RABGAP1: variants seen among roughly 807,000 people sequenced by gnomAD.
RABGAP1 encodes RAB GTPase activating protein 1.
Under a neutral mutation model 137.6 loss-of-function variants are expected in RABGAP1, and 23 were observed. The ratio of observed to expected loss-of-function variants is 0.17; its 90% CI spans 0.12 to 0.24. RABGAP1 has a LOEUF of 0.24. Among genes scored for constraint, RABGAP1 ranks in the 10% least tolerant of loss-of-function variants. The pLI is 1.00. For synonymous variants in RABGAP1, 451 were observed against 450.7 expected (o/e 1.00, Z -0.01); for missense variants, 906 against 1,275.8 (o/e 0.71, Z 4.42).
intron 24 of RABGAP1, among the ~76,000 whole-genome samples, 169 bp from the exon 25 acceptor site, chr9:123,101,397 G>A (rs1313413553): frequency 1.3e-5 from 2 of 152,130 alleles, no homozygotes; most frequent in African/African-American, 4.8e-5. Context: ...ATAATACCAA[G>A]TGGCTTTTCC....
intron 2 of RABGAP1, among the ~76,000 whole-genome samples, chr9:122,961,554 A>G (rs1834852803): frequency 6.6e-6 from 1 of 152,220 alleles, no homozygotes; most frequent in African/African-American, 2.4e-5. Flanking sequence ...AAAGCAAGTT[A>G]CTCCACATGA....
intron 1 of RABGAP1, among the ~76,000 whole-genome samples, chr9:122,944,522 G>T (rs1363522780): frequency 6.6e-6 from 1 of 151,012 alleles, no homozygotes; most frequent in East Asian, 2.0e-4. Context: ...ATCTTTGTTT[G>T]TTTCTTTTTT....
chr9:122,936,752 T>G (rs1302196369), upstream of RABGAP1, among the ~76,000 whole-genome samples: 1 of 152,246 alleles, frequency 6.6e-6, no homozygotes, highest in East Asian at 1.9e-4. Context: ...GCACCTGTTT[T>G]GTTTGTTTGC....
At chr9:123,036,942 C>G (rs2032695376) in intron 13 of RABGAP1, among the ~76,000 whole-genome samples, 1 of 151,852 alleles carries the variant, frequency 6.6e-6, no homozygotes, top group Non-Finnish European at 1.5e-5. Context: ...AAGTGATTAT[C>G]TTTAGAGCAA....
intron 6 of RABGAP1, chr9:122,990,788 AAAAAAAAAATATATATATATATATATAT>A (rs1304503280): frequency 5.4e-5 from 4 of 73,932 alleles, no homozygotes; most frequent in Non-Finnish European, 9.5e-5. Flanking sequence ...AAAAAAAAAA[AAAAAAAAAATATATATATATATATATAT>A]ATATATATAT....
intron 1 of RABGAP1, among the ~76,000 whole-genome samples, chr9:122,950,625 A>G (rs965095778): frequency 5.3e-5 from 8 of 151,782 alleles, no homozygotes; most frequent in Admixed American, 1.3e-4. Context: ...TGTTTTCTCT[A>G]CCACTGTAAG....
At chr9:122,982,137 A>G (rs997917503) in intron 2 of RABGAP1, among the ~76,000 whole-genome samples, 4 of 152,152 alleles carry the variant, frequency 2.6e-5, no homozygotes, top group African/African-American at 4.8e-5. Flanking sequence ...CTAACATGAT[A>G]ATTGTTGAGT....
intron 4 of RABGAP1, 133 bp downstream of exon 4, chr9:122,986,552 T>A: frequency 1.0e-6 from 1 of 969,224 alleles, no homozygotes; most frequent in South Asian, 1.7e-5. Context: ...TACCTGGCAC[T>A]CATGTCTCCC....
chr9:123,053,529 T>G lies in RABGAP1; in HGVS notation c.1795-11819T>G, dbSNP rs188276370. The stretch of plus-strand genomic sequence containing the variant: ...TTAAAAACTTAGTCTTTAAAATGAC[T>G]TCTGATAAGCAGTAGCTGACTTTTT... On this transcript the variant is annotated intron_variant, in intron 13 of 25. Transcript: ENST00000373647. Among the ~76,000 whole-genome samples, 343 of 152,342 alleles carry G rather than the reference T, an allele frequency of 2.3e-3. 1 individual carries two copies. Among genetic ancestry groups the G allele is most frequent in the Middle Eastern group, 0.017 (5 of 294 alleles).
chr9:123,044,626 CGTGTGTGTGTGTGT>C (rs68089109), intron 13 of RABGAP1, among the ~76,000 whole-genome samples: 3 of 148,978 alleles, frequency 2.0e-5, no homozygotes, highest in Non-Finnish European at 1.5e-5. Flanking sequence ...AACACACGTA[CGTGTGTGTGTGTGT>C]GTGTGTGTGT....
At chr9:122,997,399 G>A in intron 9 of RABGAP1, 38 bp downstream of exon 9, 1 of 1,467,728 alleles carries the variant, frequency 6.8e-7, no homozygotes, top group African/African-American at 1.4e-5. Context: ...AGAAATTTTA[G>A]TCTCAAGAAG....
chr9:122,978,702 C>G (rs899450734), intron 2 of RABGAP1, among the ~76,000 whole-genome samples: 46 of 152,028 alleles, frequency 3.0e-4, no homozygotes, highest in African/African-American at 9.9e-4. Flanking sequence ...GTAACTAATA[C>G]CTAAGAGTGA....
upstream of RABGAP1, among the ~76,000 whole-genome samples, chr9:122,937,232 C>T (rs1255393686): frequency 2.0e-5 from 3 of 152,190 alleles, no homozygotes; most frequent in Non-Finnish European, 4.4e-5. Flanking sequence ...TCAAACTATT[C>T]CCACAGAAGC....
chr9:123,083,924 C>T (rs1257293991), intron 19 of RABGAP1, among the ~76,000 whole-genome samples: 2 of 152,180 alleles, frequency 1.3e-5, no homozygotes, highest in Admixed American at 6.5e-5. Context: ...AGTCAACAAA[C>T]GCTTGTAGAT....
chr9:123,065,230 T>C (rs2034130489), intron 13 of RABGAP1, 118 bp from the exon 14 acceptor site: 7 of 692,592 alleles, frequency 1.0e-5, no homozygotes, highest in East Asian at 2.5e-5. Flanking sequence ...GGCATACATA[T>C]GTGTATGTAT....
chr9:123,026,046 G>A (rs1306239540), intron 13 of RABGAP1, among the ~76,000 whole-genome samples: 5 of 145,078 alleles, frequency 3.4e-5, no homozygotes, highest in Non-Finnish European at 5.9e-5. Flanking sequence ...GTTTTTGGCC[G>A]GGCGCAGTGG....
In RABGAP1 at chr9:122,996,554, C is replaced by T. The variant is rs1421945121; in HGVS notation, c.1050C>T (p.Leu350=). ...ELAIERCFGL[L]LSPGKDVRNS... The stretch of plus-strand genomic sequence containing the variant: ...TTTTTTGTAGGTGTTTTGGTCTTCT[C>T]CTTAGTCCAGGAAAAGATGTACGAA... The change falls in exon 8 of 26, where the codon CTC becomes CTT. Residue 350 remains leucine (L), a synonymous_variant. Coordinates refer to ENST00000373647, the MANE Select transcript of RABGAP1 (RefSeq NM_012197.4). The T allele has an allele frequency of 1.2e-6, 2 of 1,608,372 alleles. No homozygotes were observed. Among genetic ancestry groups the T allele is most frequent in the South Asian group, 2.2e-5 (2 of 89,688 alleles).
At chr9:122,967,887 T>A (rs965094164) in intron 2 of RABGAP1, among the ~76,000 whole-genome samples, 1 of 151,678 alleles carries the variant, frequency 6.6e-6, no homozygotes, top group African/African-American at 2.4e-5. Context: ...CCACCACACT[T>A]GGCCAATTTT....
chr9:123,050,264 T>A (rs935652780), intron 13 of RABGAP1, among the ~76,000 whole-genome samples: 1 of 152,252 alleles, frequency 6.6e-6, no homozygotes, highest in Non-Finnish European at 1.5e-5. Context: ...TGTATTTAAA[T>A]GTATAGAGAT....
Sources: allele counts gnomAD v4.1 joint callset (sites outside exome capture counted in the v4.1 genomes callset), GRCh38; gene constraint gnomAD v4.1.1; transcripts MANE v1.5; gene names NCBI Gene and HGNC (gene_info 2026-07-23, HGNC 2026-07-21).